The following EEF1D variants were observed in gnomAD, a reference collection of about 807,000 sequenced individuals.
EEF1D encodes the protein elongation factor 1-delta.
In EEF1D, 47 loss-of-function variants were observed where a neutral mutation model predicts 63.9. The ratio of observed to expected loss-of-function variants is 0.74; its 90% confidence interval spans 0.58 to 0.94. The LOEUF is 0.94. EEF1D is among the 40% of genes least tolerant of loss of function. EEF1D has a pLI of 0.00. For synonymous variants in EEF1D, 412 were observed against 386.1 expected, an observed-to-expected ratio of 1.07 and a Z score of -0.79; for missense variants, 907 against 899.0, an observed-to-expected ratio of 1.01 and a Z score of -0.11.
chr8:143,590,661 T>A, intron 2 of EEF1D: 3 of 906,564 alleles, frequency 3.3e-6, no homozygotes, highest in Non-Finnish European at 4.0e-6. Context: ...TCCCAACACT[T>A]TGGGAGGCCG....
chr8:143,579,907 G>A, intron 9 of EEF1D, 77 bp from the exon 10 acceptor site: 1 of 1,543,756 alleles, frequency 6.5e-7, no homozygotes, highest in Non-Finnish European at 8.8e-7. Flanking sequence ...CTCTGAGGTG[G>A]GGTTCACTCT....
intron 6 of EEF1D, 30 bp from the exon 7 acceptor site, chr8:143,581,184 G>A (rs1475469589): frequency 6.2e-7 from 1 of 1,612,796 alleles, no homozygotes; most frequent in Non-Finnish European, 8.5e-7. Context: ...ACGGTTAGAT[G>A]GCAGGGGCCA....
intron 2 of EEF1D, chr8:143,592,110 A>C (rs1234381065): frequency 1.1e-6 from 1 of 924,868 alleles, no homozygotes; most frequent in African/African-American, 1.8e-5. Flanking sequence ...TGATGGGCAG[A>C]GGCAGGGGTT....
At chr8:143,594,016 C>G in intron 1 of EEF1D, 1 of 683,020 alleles carries the variant, frequency 1.5e-6, no homozygotes, top group Non-Finnish European at 1.8e-6. Context: ...AACTGCGTCC[C>G]GACAAACGGT....
chr8:143,589,488 G>A lies in EEF1D; in HGVS notation c.594C>T (p.Asn198=), dbSNP rs1400350395. The A allele has an allele frequency of 6.6e-7, 1 of 1,526,120 alleles. No individual in the cohort carries two copies. The highest frequency in any genetic ancestry group is 2.4e-5 in the East Asian group (1 of 41,852). The allele number at this position is 1,526,120 out of a possible 1,614,324, so 94.5% of individuals were successfully genotyped here. The change falls in exon 3 of 10, where the codon AAC becomes AAT. Residue 198 remains asparagine, a synonymous_variant. Transcript: ENST00000618139. ...CGGGGACGGCCACCTGCTGGCCTGT[G>A]TTGGGAGTCCCCTGCCTGCGGCTGC... ...PDGSRRQGTP[N]TGQQVAVPDL...
Position 143,586,265 on chromosome 8 carries a change from CGGA to C in EEF1D, c.1238_1240del (p.Leu413del). ...GTTCTCTCTGGCTCTCGCAATGTCA[CGGA>C]GGATCACGCTGGCGCCGTTCTCCTG... On this transcript the variant is annotated inframe_deletion, in exon 5 of 10. Transcript: ENST00000618139. The C allele has an allele frequency of 6.2e-7, 1 of 1,608,446 alleles. No individual in the cohort carries two copies.
intron 5 of EEF1D, chr8:143,582,689 A>G (rs1299993559): frequency 6.6e-6 from 1 of 152,206 alleles, no homozygotes; most frequent in Non-Finnish European, 1.5e-5. Context: ...GCCAGAGCCC[A>G]CAGCACTCAG....
chr8:143,593,958 C>A lies in EEF1D; in HGVS notation c.-14-1298G>T, dbSNP rs372047683. 1.1e-5 allele frequency: 11 copies of A among 980,670 alleles called. No individual in the cohort carries two copies. The East Asian group carries it at 1.1e-3, about 101-fold the overall frequency. 60.7% of individuals were successfully genotyped at this position (980,670 alleles called of 1,614,324 possible). A position where few individuals can be genotyped will look rare whatever the true frequency, so the allele number is the denominator to read the frequency against. Reference sequence around the variant, plus strand: ...GCGCAGACGACAGGCACGTGCAAGCCTCTCCTCTCCAGCAGGAGAGCCCGG... The same window carrying A: ...GCGCAGACGACAGGCACGTGCAAGCATCTCCTCTCCAGCAGGAGAGCCCGG... On this transcript the variant is annotated intron_variant, in intron 1 of 9. Transcript: ENST00000618139.
chr8:143,584,318 C>T lies in EEF1D; in HGVS notation c.1287+1901G>A, dbSNP rs1055317130. 1.4e-4 allele frequency: 21 copies of T among 150,762 alleles called. 1 individual carries two copies. Among genetic ancestry groups the T allele is most frequent in the South Asian group, 6.3e-4 (3 of 4,794 alleles). 9.3% of individuals were successfully genotyped at this position (150,762 alleles called of 1,614,324 possible). A position where few individuals can be genotyped will look rare whatever the true frequency, so the allele number is the denominator to read the frequency against. On this transcript the variant is annotated intron_variant, in intron 5 of 9. Coordinates refer to ENST00000618139, the MANE Select transcript of EEF1D (RefSeq NM_001130053.5). Reference sequence around the variant, plus strand: ...CTGTAATCCCAGCACTTTGAGAGGCCGAGGTGGGCAGATCATAAGGTCAGG... The same window carrying T: ...CTGTAATCCCAGCACTTTGAGAGGCTGAGGTGGGCAGATCATAAGGTCAGG...
chr8:143,589,285 C>A lies in EEF1D; in HGVS notation c.797G>T (p.Gly266Val). ...GCCCCGCCGGGCACCCTCGGCCAGGCCGGCTCGCTCTTGCAGGCGCACCTT... is the reference window on the plus strand; with the variant it reads ...GCCCCGCCGGGCACCCTCGGCCAGGACGGCTCGCTCTTGCAGGCGCACCTT... ...PGKVRLQERA[G>V]LAEGARRGRR... Residue 266 changes from glycine (G) to valine (V), a missense_variant, in exon 3 of 10, where the codon GGC (glycine) becomes GTC (valine). By Grantham distance (109) the Gly-to-Val change is moderately radical (BLOSUM62 -3). Transcript: ENST00000618139. 1 of 1,586,304 alleles carries A rather than the reference C, an allele frequency of 6.3e-7. No individual in the cohort carries two copies. The highest frequency in any genetic ancestry group is 1.1e-5 in the South Asian group (1 of 88,088).
Position 143,589,715 on chromosome 8 carries a change from T to C in EEF1D, c.367A>G (p.Ser123Gly), listed in dbSNP as rs1827535584. Residue 123 changes from serine to glycine, a missense_variant, in exon 3 of 10, where the codon AGC becomes GGC. By Grantham distance (56) the Ser-to-Gly change is moderately conservative (BLOSUM62 0). Transcript: ENST00000618139. ...TCTGCCAGCTTCTGGCGGTAGGAGC[T>C]CTCTGCCTGGTCGAAAAGTGACTTG... is the stretch of plus-strand genomic sequence containing the variant. Reference protein sequence around the residue: ...LDKSLFDQAESSYRQKLADVA... With the variant: ...LDKSLFDQAEGSYRQKLADVA... 2.0e-6 allele frequency: 3 copies of C among 1,523,908 alleles called. No individual in the cohort carries two copies. The highest frequency in any genetic ancestry group is 2.6e-6 in the Non-Finnish European group (3 of 1,135,820). The allele number at this position is 1,523,908 out of a possible 1,614,324, so 94.4% of individuals were successfully genotyped here.
chr8:143,586,900 G>A (rs889698408), intron 3 of EEF1D, 48 bp from the exon 4 acceptor site: 36 of 1,607,370 alleles, frequency 2.2e-5, no homozygotes, highest in South Asian at 3.3e-5. Flanking sequence ...AGTGGGCCTC[G>A]GCATCAGGAC....
chr8:143,596,372 G>A (rs893333004), intron 1 of EEF1D: 1 of 152,286 alleles, frequency 6.6e-6, no homozygotes, highest in Non-Finnish European at 1.5e-5. Flanking sequence ...GAGGACGCTC[G>A]GGGGCTCCTT....
rs58027985 is a variant in EEF1D at position 143,591,402 on chromosome 8, G to C, written c.-1+1245C>G. ...GGCACGCTCTGCTCCCAGGTGTCCA[G>C]TGTGGTGTTACAGAAAGGACAGGCC... On this transcript the variant is annotated intron_variant, in intron 2 of 9. Coordinates refer to ENST00000618139, the MANE Select transcript of EEF1D (RefSeq NM_001130053.5). 5.3e-3 allele frequency among the ~76,000 whole-genome samples: 810 copies of C among 152,324 alleles called. 11 individuals carry two copies. The highest frequency in any genetic ancestry group is 0.019 in the African/African-American group (770 of 41,550).
rs201898291 is a variant in EEF1D at position 143,581,163 on chromosome 8, G to A, written c.1388-9C>T. ...CTGCAGCTCCTGTACCACTGGGGGGGCAAGGGGAGCACGGTTAGATGGCAG... is the reference window on the plus strand; with the variant it reads ...CTGCAGCTCCTGTACCACTGGGGGGACAAGGGGAGCACGGTTAGATGGCAG... On this transcript the variant is annotated splice_polypyrimidine_tract_variant and intron_variant, in intron 6 of 9. Transcript: ENST00000618139. 6 of 1,612,912 alleles carry A rather than the reference G, an allele frequency of 3.7e-6. No homozygotes were observed. The East Asian group carries it at 8.9e-5, about 24-fold the overall frequency.
At chr8:143,584,987 G>A (rs1023306566) in intron 5 of EEF1D, among the ~76,000 whole-genome samples, 9 of 152,116 alleles carry the variant, frequency 5.9e-5, no homozygotes, top group Admixed American at 3.3e-4. Flanking sequence ...GATGGACCAC[G>A]CAATCCCCCA....
chr8:143,583,697 T>A (rs1825990157), intron 5 of EEF1D: 1 of 149,804 alleles, frequency 6.7e-6, no homozygotes, highest in Admixed American at 6.6e-5. Context: ...CACCCCTAGG[T>A]GGCTGTGGCT....
rs1826567221 is a variant in EEF1D, at chr8:143,586,208, CG to C, written c.1287+10del. The C allele has an allele frequency of 6.2e-7, 1 of 1,607,466 alleles. No homozygotes were observed. The highest frequency in any genetic ancestry group is 1.1e-5 in the South Asian group (1 of 90,348). ...CAGGAGCCCGCAGGTCCGTGGGCCG[CG>C]GGTACTCACTCCAGCCAGGGATTTC... is the stretch of plus-strand genomic sequence containing the variant. On this transcript the variant is annotated intron_variant, in intron 5 of 9. Transcript: ENST00000618139.
intron 2 of EEF1D, among the ~76,000 whole-genome samples, chr8:143,591,062 A>C (rs562499006): frequency 1.1e-4 from 16 of 152,340 alleles, no homozygotes; most frequent in African/African-American, 3.8e-4. Context: ...TGGAGCACTG[A>C]GACGGCTCTA....
Sources: gnomAD v4.1 joint callset for allele counts (sites outside exome capture counted in the v4.1 genomes callset) on GRCh38, gnomAD v4.1.1 for gene constraint, MANE v1.5 for transcripts, NCBI Gene and HGNC (gene_info 2026-07-23, HGNC 2026-07-21) for gene names.